Variants in RXRA observed in about 807,000 individuals in gnomAD.
RXRA encodes retinoid X receptor alpha, also known as retinoic acid receptor RXR-alpha.
A neutral mutation model predicts 44.5 loss-of-function variants in RXRA; 5 were observed. That is an observed-to-expected ratio of 0.11 (90% confidence interval 0.06 to 0.24). The LOEUF (loss-of-function observed/expected upper bound fraction) is 0.24, where lower values mean the gene tolerates loss of function less well. RXRA is among the 10% of genes least tolerant of loss of function. The pLI is 1.00. For synonymous variants in RXRA, 291 were observed against 271.4 expected (o/e 1.07, Z -0.71); for missense variants, 412 against 646.5 (o/e 0.64, Z 3.93).
At chr9:134,406,617 C>T (rs34053224) in intron 2 of RXRA, among the ~76,000 whole-genome samples, 1 of 152,318 alleles carries the variant, frequency 6.6e-6, no homozygotes, top group East Asian at 1.9e-4. Context: ...TGGGCAGGGC[C>T]TTGTCCCCTG....
intron 1 of RXRA, among the ~76,000 whole-genome samples, chr9:134,371,347 C>T (rs373715419): frequency 4.6e-5 from 7 of 152,282 alleles, no homozygotes; most frequent in East Asian, 1.9e-4. Context: ...CTTGGGCAGC[C>T]GCCACTGTCT....
rs902292026 is a variant in RXRA, at chr9:134,343,921, C to T, written c.28+17262C>T. ...TGGCCGGTCATTGGCCCTCGTGGCC[C>T]TACCACAGTGGGGTGGGCATCTCCC... On this transcript the variant is annotated intron_variant, in intron 1 of 9. Transcript: ENST00000481739. This position sits in a 1 kb window ranked among gnomAD's most constrained non-coding sequence, Gnocchi z 4.1. 3.9e-5 allele frequency among the ~76,000 whole-genome samples: 6 copies of T among 152,186 alleles called. No homozygotes were observed. Among genetic ancestry groups the T allele is most frequent in the Non-Finnish European group, 8.8e-5 (6 of 68,010 alleles).
chr9:134,331,430 C>A (rs1449866533), intron 1 of RXRA, among the ~76,000 whole-genome samples: 1 of 152,198 alleles, frequency 6.6e-6, no homozygotes, highest in East Asian at 1.9e-4. Context: ...TGCACGCTCA[C>A]TGTTGCACAC....
intron 1 of RXRA, among the ~76,000 whole-genome samples, chr9:134,373,750 C>T (rs142309198): frequency 5.3e-5 from 8 of 152,222 alleles, no homozygotes; most frequent in Admixed American, 4.6e-4. Flanking sequence ...CATTACCAGC[C>T]GATAGCCAGG....
At chr9:134,422,877 A>G (rs1200109267) in intron 6 of RXRA, 25 of 985,458 alleles carry the variant, frequency 2.5e-5, no homozygotes, top group Non-Finnish European at 3.0e-5. Flanking sequence ...GGGGCTGCCC[A>G]GGAGAGCCAC....
intron 2 of RXRA, chr9:134,405,178 C>T (rs1831029937): frequency 1.3e-5 from 2 of 152,282 alleles, no homozygotes; most frequent in South Asian, 2.1e-4. Context: ...AACCCGAGGC[C>T]CAGCAGCCTG....
At chr9:134,378,011 C>T (rs527601848) in intron 1 of RXRA, among the ~76,000 whole-genome samples, 219 of 152,368 alleles carry the variant, frequency 1.4e-3, no homozygotes, top group Non-Finnish European at 2.3e-3. Flanking sequence ...CAGGCCTGGC[C>T]CCTGTGCTGT....
At chr9:134,414,483 C>T (rs572201192) in intron 4 of RXRA, among the ~76,000 whole-genome samples, 15 of 152,262 alleles carry the variant, frequency 9.9e-5, no homozygotes, top group African/African-American at 2.2e-4. Flanking sequence ...TTTCATCTTA[C>T]GGATGAGGGA....
rs1588314230 is a variant in RXRA, at chr9:134,437,123, G to T, written c.*509G>T. On this transcript the variant is annotated 3_prime_UTR_variant, in exon 10 of 10. Transcript: ENST00000481739. ...CCTAATCAGGAGGGGACAGCTGGGGGCGCAAGCTGGTGTGTCATCAGCAAA... is the reference window on the plus strand; with the variant it reads ...CCTAATCAGGAGGGGACAGCTGGGGTCGCAAGCTGGTGTGTCATCAGCAAA... 1.2e-5 allele frequency: 2 copies of T among 161,556 alleles called. No homozygotes were observed. The highest frequency in any genetic ancestry group is 4.8e-5 in the African/African-American group (2 of 41,582). The allele number at this position is 161,556 out of a possible 1,614,324, so 10.0% of individuals were successfully genotyped here.
Position 134,366,011 on chromosome 9 carries a change from G to C in RXRA, c.29-35621G>C, listed in dbSNP as rs1040665874. Among the ~76,000 whole-genome samples the C allele has an allele frequency of 3.2e-4, 48 of 152,256 alleles. No homozygotes were observed. The highest frequency in any genetic ancestry group is 1.2e-3 in the African/African-American group (48 of 41,544). ...TTTGCAGGAGCCGCGGGGATCATCT[G>C]GCGGCTGCCTCCACCCCTGCCTCCA... On this transcript the variant is annotated intron_variant, in intron 1 of 9. Transcript: ENST00000481739. The surrounding 1 kb of genome is among the most constrained non-coding windows in gnomAD (Gnocchi z 5.9).
At chr9:134,427,331 C>T (rs1411639398) in intron 6 of RXRA, among the ~76,000 whole-genome samples, 1 of 152,160 alleles carries the variant, frequency 6.6e-6, no homozygotes, top group Non-Finnish European at 1.5e-5. Context: ...ACTCTTCTTA[C>T]TCCCCATCGC....
chr9:134,355,829 G>C (rs1830276726), intron 1 of RXRA, among the ~76,000 whole-genome samples: 1 of 152,142 alleles, frequency 6.6e-6, no homozygotes, highest in African/African-American at 2.4e-5. Flanking sequence ...AGGGCCCTGG[G>C]CTCACCCTGC....
intron 4 of RXRA, among the ~76,000 whole-genome samples, chr9:134,416,009 G>C (rs902764383): frequency 2.6e-5 from 4 of 152,152 alleles, no homozygotes; most frequent in African/African-American, 7.2e-5. Context: ...GTTGTTGGGT[G>C]GTGGATGGAA....
intron 6 of RXRA, chr9:134,423,143 G>T: frequency 1.0e-6 from 1 of 985,490 alleles, no homozygotes; most frequent in Non-Finnish European, 1.2e-6. Context: ...GGGGCGTGCT[G>T]ACTGGGGCTG....
At chr9:134,398,633 T>A (rs891250644) in intron 1 of RXRA, among the ~76,000 whole-genome samples, 22 of 152,128 alleles carry the variant, frequency 1.4e-4, no homozygotes, top group Non-Finnish European at 1.6e-4. Flanking sequence ...CCAGAAACCC[T>A]CCAGTCCCCT....
chr9:134,398,688 C>T (rs1830916505), intron 1 of RXRA, among the ~76,000 whole-genome samples: 1 of 152,228 alleles, frequency 6.6e-6, no homozygotes, highest in Admixed American at 6.5e-5. Context: ...TCCCAGATTA[C>T]ATCTGGAGCA....
chr9:134,381,001 G>A (rs2119101279), intron 1 of RXRA, among the ~76,000 whole-genome samples: 1 of 152,316 alleles, frequency 6.6e-6, no homozygotes, highest in Non-Finnish European at 1.5e-5. Flanking sequence ...GGCAGGAGGT[G>A]CAGGGCCCAG....
chr9:134,347,908 C>G (rs1830173597), intron 1 of RXRA, among the ~76,000 whole-genome samples: 2 of 152,128 alleles, frequency 1.3e-5, no homozygotes, highest in African/African-American at 4.8e-5. Flanking sequence ...GCCGTGAGTG[C>G]TGAGTGAGGG....
chr9:134,400,141 C>T (rs1830936469), intron 1 of RXRA, among the ~76,000 whole-genome samples: 1 of 152,186 alleles, frequency 6.6e-6, no homozygotes, highest in African/African-American at 2.4e-5. Context: ...TGGTGGCATC[C>T]TAAAGCTCAT....
Sources: gnomAD v4.1 joint callset for allele counts (sites outside exome capture counted in the v4.1 genomes callset) on GRCh38, gnomAD v4.1.1 for gene constraint, Gnocchi (gnomAD v3.1) non-coding constraint, MANE v1.5 for transcripts, NCBI Gene and HGNC (gene_info 2026-07-23, HGNC 2026-07-21) for gene names.